The following UBE2E3 variants were observed in gnomAD, a reference collection of about 807,000 sequenced individuals.
The protein encoded by UBE2E3 is ubiquitin-conjugating enzyme E2 E3.
UBE2E3 carries 5 observed loss-of-function variants against 23.6 expected under a neutral mutation model. The ratio of observed to expected loss-of-function variants is 0.21; its 90% CI spans 0.11 to 0.44. The LOEUF (loss-of-function observed/expected upper bound fraction) is 0.44, where lower values mean the gene tolerates loss of function less well. Among genes scored for constraint, UBE2E3 ranks in the 20% least tolerant of loss-of-function variants. UBE2E3 has a pLI of 0.99. For missense variants in UBE2E3, 81 were observed against 249.8 expected, an observed-to-expected ratio of 0.32 and a Z score of 4.55; for synonymous variants, 78 against 87.5, an observed-to-expected ratio of 0.89 and a Z score of 0.60.
chr2:181,056,149 A>G lies in UBE2E3; in HGVS notation c.246-1544A>G, dbSNP rs181097459. ...AGGAGTCATTTTGAAAGGGTTCCCC[A>G]TCAGCCAAATCTGCAATAATTTGGG... On this transcript the variant is annotated intron_variant, in intron 3 of 5. Coordinates refer to ENST00000410062, the MANE Select transcript of UBE2E3 (RefSeq NM_006357.4). Among the ~76,000 whole-genome samples the G allele has an allele frequency of 2.7e-3, 406 of 151,716 alleles. 1 individual carries two copies. Among genetic ancestry groups the G allele is most frequent in the Non-Finnish European group, 4.2e-3 (285 of 67,780 alleles).
intron 3 of UBE2E3, among the ~76,000 whole-genome samples, chr2:181,023,065 C>CT (rs1685758719): frequency 6.6e-6 from 1 of 152,230 alleles, no homozygotes; most frequent in African/African-American, 2.4e-5. Context: ...AAATCACATG[C>CT]ATTCAGTAGA....
At chr2:181,038,663 G>A (rs1686376588) in intron 3 of UBE2E3, among the ~76,000 whole-genome samples, 1 of 152,108 alleles carries the variant, frequency 6.6e-6, no homozygotes, top group South Asian at 2.1e-4. Context: ...TCACAGAAAG[G>A]GAGAAAATAA....
At chr2:181,019,608 C>T (rs1455359876) in intron 3 of UBE2E3, among the ~76,000 whole-genome samples, 1 of 152,066 alleles carries the variant, frequency 6.6e-6, no homozygotes, top group Non-Finnish European at 1.5e-5. Context: ...CATTGGGGAA[C>T]ACAATGTACC....
chr2:181,052,814 G>T (rs941034008), intron 3 of UBE2E3, among the ~76,000 whole-genome samples: 3 of 151,666 alleles, frequency 2.0e-5, no homozygotes, highest in Non-Finnish European at 2.9e-5. Context: ...TCTTTGTTCT[G>T]CTTCTTCTGC....
At chr2:180,994,236 A>G (rs1272295558) in intron 3 of UBE2E3, among the ~76,000 whole-genome samples, 1 of 152,140 alleles carries the variant, frequency 6.6e-6, no homozygotes, top group Non-Finnish European at 1.5e-5. Context: ...TGCAATTATC[A>G]CTTTTCCCTT....
At chr2:181,058,156 G>T (rs948529786) in intron 4 of UBE2E3, among the ~76,000 whole-genome samples, 2 of 151,614 alleles carry the variant, frequency 1.3e-5, no homozygotes, top group Middle Eastern at 3.2e-3. Flanking sequence ...AACTATTAAG[G>T]TATTAATGAA....
In UBE2E3 at chr2:181,015,634, TAAC is replaced by T. The variant is rs908116753; in HGVS notation, c.245+31543_245+31545del. Among the ~76,000 whole-genome samples, 24 of 152,248 alleles carry T rather than the reference TAAC, an allele frequency of 1.6e-4. 1 individual carries two copies. Among genetic ancestry groups the T allele is most frequent in the African/African-American group, 5.5e-4 (23 of 41,554 alleles). ...ATTTTTTACTTTAAATTTTTTATAA[TAAC>T]AGATAAGGATGGAATAAAAGCAAGT... On this transcript the variant is annotated intron_variant, in intron 3 of 5. Coordinates refer to ENST00000410062, the MANE Select transcript of UBE2E3 (RefSeq NM_006357.4).
chr2:181,030,178 G>T (rs1427605509), intron 3 of UBE2E3, among the ~76,000 whole-genome samples: 3 of 151,926 alleles, frequency 2.0e-5, no homozygotes, highest in African/African-American at 2.4e-5. Flanking sequence ...GGTGGTGGTG[G>T]TGGTGGCCTT....
At chr2:181,053,798 A>G (rs1046160913) in intron 3 of UBE2E3, among the ~76,000 whole-genome samples, 2 of 151,728 alleles carry the variant, frequency 1.3e-5, no homozygotes, top group African/African-American at 4.8e-5. Context: ...TCCGCCATTC[A>G]TACCATACAG....
intron 3 of UBE2E3, among the ~76,000 whole-genome samples, chr2:181,020,789 G>A (rs1685647996): frequency 1.3e-5 from 2 of 152,278 alleles, no homozygotes; most frequent in South Asian, 4.1e-4. Flanking sequence ...AAGTAAGGTA[G>A]TCATAAAAAA....
intron 3 of UBE2E3, among the ~76,000 whole-genome samples, chr2:180,990,783 G>A (rs998774665): frequency 6.6e-6 from 1 of 152,158 alleles, no homozygotes; most frequent in African/African-American, 2.4e-5. Flanking sequence ...TCAAAATTCA[G>A]TTTGACATTG....
At chr2:181,038,659 A>G (rs900741710) in intron 3 of UBE2E3, among the ~76,000 whole-genome samples, 8 of 152,232 alleles carry the variant, frequency 5.3e-5, no homozygotes, top group Non-Finnish European at 1.2e-4. Flanking sequence ...CAAATCACAG[A>G]AAGGGAGAAA....
chr2:181,011,225 T>C (rs1685317437), intron 3 of UBE2E3, among the ~76,000 whole-genome samples: 1 of 152,090 alleles, frequency 6.6e-6, no homozygotes, highest in African/African-American at 2.4e-5. Flanking sequence ...ACTCATGTTA[T>C]GGAGGCTAGA....
chr2:181,021,199 A>G (rs1384955579), intron 3 of UBE2E3, among the ~76,000 whole-genome samples: 2 of 152,110 alleles, frequency 1.3e-5, no homozygotes, highest in Non-Finnish European at 2.9e-5. Flanking sequence ...CAGGATTGTG[A>G]TGTTTTTGCT....
chr2:181,049,698 T>A (rs1430718602), intron 3 of UBE2E3, among the ~76,000 whole-genome samples: 1 of 152,034 alleles, frequency 6.6e-6, no homozygotes, highest in East Asian at 1.9e-4. Flanking sequence ...GATAGAAGCC[T>A]TTAGGCAGAT....
chr2:180,981,941 T>C (rs1169656270), intron 1 of UBE2E3, 77 bp from the exon 2 acceptor site: 1 of 1,090,760 alleles, frequency 9.2e-7, no homozygotes, highest in East Asian at 2.4e-5. Context: ...CGATTTTAGA[T>C]GACTAGAAGA....
intron 3 of UBE2E3, among the ~76,000 whole-genome samples, chr2:180,992,489 C>T (rs1034516497): frequency 1.3e-5 from 2 of 152,190 alleles, no homozygotes; most frequent in Non-Finnish European, 2.9e-5. Context: ...TTATTTCTCA[C>T]TCATGTGAAG....
intron 3 of UBE2E3, among the ~76,000 whole-genome samples, chr2:181,029,764 A>G (rs985219482): frequency 7.0e-6 from 1 of 142,578 alleles, no homozygotes; most frequent in Admixed American, 7.0e-5. Context: ...ATGGAGCGGT[A>G]TAAACTTGTC....
intron 3 of UBE2E3, among the ~76,000 whole-genome samples, chr2:181,037,382 C>T (rs1226536497): frequency 1.3e-5 from 2 of 152,020 alleles, no homozygotes; most frequent in Non-Finnish European, 2.9e-5. Flanking sequence ...GAGATGACAG[C>T]TCTATGTGTA....
Sources: gnomAD v4.1 joint callset for allele counts (sites outside exome capture counted in the v4.1 genomes callset) on GRCh38, gnomAD v4.1.1 for gene constraint, MANE v1.5 for transcripts, NCBI Gene and HGNC (gene_info 2026-07-23, HGNC 2026-07-21) for gene names.